Variants in AMBRA1 observed in about 807,000 individuals in gnomAD.
AMBRA1 encodes autophagy and beclin 1 regulator 1.
In AMBRA1, 47 loss-of-function variants were observed where a neutral mutation model predicts 125.4. The observed-to-expected ratio is 0.37, with a 90% confidence interval of 0.30 to 0.48. The LOEUF (loss-of-function observed/expected upper bound fraction) is 0.48. AMBRA1 is among the 20% of genes least tolerant of loss of function. The probability of loss-of-function intolerance (pLI) is 0.99; values close to 1 mark genes in which losing one functional copy is unlikely to be tolerated. For missense variants in AMBRA1, 1,331 were observed against 1,693.4 expected, an observed-to-expected ratio of 0.79 and a Z score of 3.76; for synonymous variants, 626 against 655.5, an observed-to-expected ratio of 0.95 and a Z score of 0.69.
At chr11:46,563,610 CG>C (rs1367067242) in intron 1 of AMBRA1, among the ~76,000 whole-genome samples, 1 of 152,110 alleles carries the variant, frequency 6.6e-6, no homozygotes, top group Non-Finnish European at 1.5e-5. Context: ...GAAACAGAGG[CG>C]GCCAGATCAC....
In AMBRA1 at chr11:46,534,530, G is replaced by A. The variant is rs11826518; in HGVS notation, c.2072+7415C>T. 3.4e-3 allele frequency among the ~76,000 whole-genome samples: 523 copies of A among 152,282 alleles called. 3 individuals are homozygous for A. The highest frequency in any genetic ancestry group is 0.012 in the African/African-American group (509 of 41,550). On this transcript the variant is annotated intron_variant, in intron 7 of 17. Transcript: ENST00000683756. ...TAAAATAAATAGCACCTGAAATCCA[G>A]CAGGTGCTTGGTAAATATCTGTTAA...
At chr11:46,516,417 A>ATCTT (rs1372207305) in intron 7 of AMBRA1, among the ~76,000 whole-genome samples, 3 of 134,562 alleles carry the variant, frequency 2.2e-5, no homozygotes, top group South Asian at 2.3e-4. Context: ...TCAAAGAAAG[A>ATCTT]TCTTTCTTTT....
At chr11:46,582,152 C>T (rs1240713235) in intron 1 of AMBRA1, among the ~76,000 whole-genome samples, 2 of 151,894 alleles carry the variant, frequency 1.3e-5, no homozygotes, top group African/African-American at 2.4e-5. Flanking sequence ...TGACATAGTC[C>T]TGCCTAAGTC....
At chr11:46,459,545 T>C (rs933507827) in intron 11 of AMBRA1, among the ~76,000 whole-genome samples, 3 of 152,008 alleles carry the variant, frequency 2.0e-5, no homozygotes, top group Non-Finnish European at 2.9e-5. Flanking sequence ...ACCCCGTCTC[T>C]ACTAAAAATA....
chr11:46,432,215 A>G (rs1020214938), intron 14 of AMBRA1, among the ~76,000 whole-genome samples: 2 of 152,166 alleles, frequency 1.3e-5, no homozygotes, highest in East Asian at 1.9e-4. Flanking sequence ...GTTTGGTGTG[A>G]CAAGTACTGA....
chr11:46,564,716 G>A (rs2043461553), intron 1 of AMBRA1, among the ~76,000 whole-genome samples: 2 of 152,048 alleles, frequency 1.3e-5, no homozygotes, highest in African/African-American at 4.8e-5. Context: ...CTATAACCTT[G>A]GACAAATTCT....
intron 11 of AMBRA1, among the ~76,000 whole-genome samples, chr11:46,465,423 A>T (rs1342228373): frequency 1.3e-5 from 2 of 152,216 alleles, no homozygotes; most frequent in Admixed American, 1.3e-4. Context: ...TCCTGGGCAC[A>T]CGTTACTACA....
intron 11 of AMBRA1, among the ~76,000 whole-genome samples, chr11:46,466,034 C>T (rs1274706311): frequency 6.6e-6 from 1 of 152,146 alleles, no homozygotes; most frequent in Non-Finnish European, 1.5e-5. Context: ...GATCTCAAAA[C>T]AGAAAGCTTT....
intron 14 of AMBRA1, among the ~76,000 whole-genome samples, chr11:46,430,394 A>C (rs1411439783): frequency 6.6e-6 from 1 of 152,166 alleles, no homozygotes; most frequent in Non-Finnish European, 1.5e-5. Flanking sequence ...AAATGAAGAA[A>C]TCTTGTTTTA....
chr11:46,512,429 C>T (rs1254816991), intron 8 of AMBRA1, among the ~76,000 whole-genome samples: 1 of 152,108 alleles, frequency 6.6e-6, no homozygotes, highest in Non-Finnish European at 1.5e-5. Context: ...GCCTCTCTGG[C>T]CAACAGAAAA....
chr11:46,525,844 G>A (rs1160542073), intron 7 of AMBRA1, among the ~76,000 whole-genome samples: 2 of 151,780 alleles, frequency 1.3e-5, no homozygotes, highest in African/African-American at 2.4e-5. Context: ...CCCAGAAGAT[G>A]GAGGTTGCAG....
intron 1 of AMBRA1, among the ~76,000 whole-genome samples, chr11:46,582,501 T>C (rs1488737062): frequency 6.6e-6 from 1 of 152,236 alleles, no homozygotes; most frequent in Non-Finnish European, 1.5e-5. Flanking sequence ...CATACAGGCA[T>C]GGACATCTAT....
At chr11:46,467,192 C>T (rs902449016) in intron 11 of AMBRA1, among the ~76,000 whole-genome samples, 8 of 152,162 alleles carry the variant, frequency 5.3e-5, no homozygotes, top group African/African-American at 1.9e-4. Context: ...ACTGGGATTA[C>T]AGGTGTGAGC....
chr11:46,409,827 G>A (rs1219644837), intron 16 of AMBRA1, among the ~76,000 whole-genome samples: 1 of 152,230 alleles, frequency 6.6e-6, no homozygotes, highest in Admixed American at 6.5e-5. Context: ...GTCTTCATTA[G>A]TGAATTAAGT....
intron 1 of AMBRA1, among the ~76,000 whole-genome samples, chr11:46,555,012 C>G (rs944741334): frequency 6.6e-6 from 1 of 152,080 alleles, no homozygotes; most frequent in Non-Finnish European, 1.5e-5. Flanking sequence ...GTCAAGACTA[C>G]AGTGAGCCAT....
intron 11 of AMBRA1, among the ~76,000 whole-genome samples, chr11:46,475,777 G>A (rs1228047885): frequency 3.3e-5 from 5 of 152,112 alleles, no homozygotes; most frequent in South Asian, 2.1e-4. Context: ...ATTTCTTGTC[G>A]CATACTTCTT....
chr11:46,417,535 T>A (rs1018774819), intron 15 of AMBRA1, among the ~76,000 whole-genome samples: 1 of 152,184 alleles, frequency 6.6e-6, no homozygotes, highest in Non-Finnish European at 1.5e-5. Context: ...GTCTACGGTA[T>A]TTACTCAAAC....
intron 7 of AMBRA1, among the ~76,000 whole-genome samples, chr11:46,531,478 G>T (rs1237421910): frequency 6.6e-6 from 1 of 152,072 alleles, no homozygotes; most frequent in Non-Finnish European, 1.5e-5. Context: ...GGGAGGCCAA[G>T]GTGGGCGGAT....
At chr11:46,434,134 A>AG (rs927358436) in intron 13 of AMBRA1, among the ~76,000 whole-genome samples, 12 of 151,358 alleles carry the variant, frequency 7.9e-5, no homozygotes, top group East Asian at 3.9e-4. Flanking sequence ...AAAAAAAAAA[A>AG]AAAGAAAGAA....
Sources: gnomAD v4.1 joint callset for allele counts (sites outside exome capture counted in the v4.1 genomes callset) on GRCh38, gnomAD v4.1.1 for gene constraint, MANE v1.5 for transcripts, NCBI Gene and HGNC (gene_info 2026-07-23, HGNC 2026-07-21) for gene names.